SEMA6D: variants seen among roughly 807,000 people sequenced by gnomAD.
SEMA6D encodes the protein semaphorin 6D, also known as semaphorin-6D.
A neutral mutation model predicts 106.6 loss-of-function variants in SEMA6D; 35 were observed. That is an observed-to-expected ratio of 0.33 (90% CI 0.25 to 0.44). The LOEUF (loss-of-function observed/expected upper bound fraction) is 0.44. Ranked by LOEUF, SEMA6D falls within the 20% of genes least tolerant of loss-of-function variation. The probability of loss-of-function intolerance (pLI) is 1.00; values close to 1 mark genes in which losing one functional copy is unlikely to be tolerated. For missense variants in SEMA6D, 1,185 were observed against 1,345.9 expected (o/e 0.88, Z 1.87); for synonymous variants, 499 against 487.7 (o/e 1.02, Z -0.31).
chr15:47,232,529 GT>G (rs2032272857), intron 1 of SEMA6D, among the ~76,000 whole-genome samples: 4 of 2,072 alleles, frequency 1.9e-3, no homozygotes, highest in Non-Finnish European at 7.2e-3. Flanking sequence ...GGGGGAGGGT[GT>G]GTGTGTGTGT....
At chr15:47,269,010 A>G (rs2034444245) in intron 1 of SEMA6D, among the ~76,000 whole-genome samples, 1 of 152,166 alleles carries the variant, frequency 6.6e-6, no homozygotes, top group Admixed American at 6.5e-5. Flanking sequence ...TTTCAGCAAA[A>G]ACAGTTGACA....
chr15:47,548,123 A>G (rs998990236), intron 3 of SEMA6D, among the ~76,000 whole-genome samples: 1 of 152,146 alleles, frequency 6.6e-6, no homozygotes, highest in African/African-American at 2.4e-5. Context: ...AGTTGATGGC[A>G]ACTGATGTGG....
At chr15:47,342,861 C>T (rs146865105) in intron 1 of SEMA6D, among the ~76,000 whole-genome samples, 1,687 of 152,220 alleles carry the variant, frequency 0.011, 13 homozygotes, top group Non-Finnish European at 0.014. Context: ...CAGGCACATG[C>T]CACCACACCC....
At chr15:47,250,440 G>GAAGAAAGA (rs549519554) in intron 1 of SEMA6D, among the ~76,000 whole-genome samples, 4 of 151,670 alleles carry the variant, frequency 2.6e-5, no homozygotes, top group African/African-American at 9.7e-5. Flanking sequence ...AGCAAATCCT[G>GAAGAAAGA]AAGAAAGAAA....
At chr15:47,481,830 A>G (rs1461898309) in intron 3 of SEMA6D, among the ~76,000 whole-genome samples, 1 of 152,180 alleles carries the variant, frequency 6.6e-6, no homozygotes, top group Non-Finnish European at 1.5e-5. Flanking sequence ...CTATATTTGT[A>G]TACAAAATTA....
At chr15:47,667,807 G>T (rs898976761) in intron 4 of SEMA6D, among the ~76,000 whole-genome samples, 1 of 152,118 alleles carries the variant, frequency 6.6e-6, no homozygotes. Context: ...ATATGAATTT[G>T]GGGGGATGTA....
At chr15:47,729,858 G>A (rs1262765893) in intron 1 of SEMA6D, among the ~76,000 whole-genome samples, 1 of 152,218 alleles carries the variant, frequency 6.6e-6, no homozygotes, top group African/African-American at 2.4e-5. Context: ...ATTCGAAAAA[G>A]GAGCTGAGAG....
chr15:47,295,503 A>G (rs2035768675), intron 1 of SEMA6D, among the ~76,000 whole-genome samples: 2 of 152,126 alleles, frequency 1.3e-5, no homozygotes, highest in Non-Finnish European at 2.9e-5. Context: ...AAGAACTGTG[A>G]GTAGATCTTT....
intron 1 of SEMA6D, chr15:47,399,248 T>C (rs902540913): frequency 2.0e-5 from 3 of 152,184 alleles, no homozygotes; most frequent in African/African-American, 7.2e-5. Flanking sequence ...TAGCTGATAA[T>C]TGCAGGCCTC....
chr15:47,577,676 GT>G (rs1320017014), intron 3 of SEMA6D, among the ~76,000 whole-genome samples: 1 of 152,198 alleles, frequency 6.6e-6, no homozygotes, highest in African/African-American at 2.4e-5. Flanking sequence ...GAACTGGACA[GT>G]GATTGAGGAA....
At chr15:47,256,045 A>G (rs1197410077) in intron 1 of SEMA6D, among the ~76,000 whole-genome samples, 2 of 152,146 alleles carry the variant, frequency 1.3e-5, no homozygotes, top group South Asian at 2.1e-4. Flanking sequence ...AGTCTGTTCC[A>G]TTAATCTATG....
intron 3 of SEMA6D, among the ~76,000 whole-genome samples, chr15:47,471,258 A>G (rs1470649699): frequency 6.6e-6 from 1 of 152,128 alleles, no homozygotes; most frequent in Non-Finnish European, 1.5e-5. Context: ...GCACTGTCCT[A>G]GTCATTGTGT....
At chr15:47,724,860 T>C (rs1353721610) in intron 1 of SEMA6D, among the ~76,000 whole-genome samples, 1 of 152,206 alleles carries the variant, frequency 6.6e-6, no homozygotes, top group African/African-American at 2.4e-5. Flanking sequence ...GATTGCTCCG[T>C]GATCAGGACT....
At chr15:47,481,587 C>T (rs1271026587) in intron 3 of SEMA6D, among the ~76,000 whole-genome samples, 1 of 152,162 alleles carries the variant, frequency 6.6e-6, no homozygotes, top group Non-Finnish European at 1.5e-5. Flanking sequence ...TTCCAGACAT[C>T]TGGCCTTGAA....
chr15:47,406,575 T>G (rs1370325047), intron 1 of SEMA6D, among the ~76,000 whole-genome samples: 1 of 152,100 alleles, frequency 6.6e-6, no homozygotes, highest in Non-Finnish European at 1.5e-5. Context: ...TAAGTCAATC[T>G]CATAGTGACA....
Position 47,763,074 on chromosome 15 carries a change from A to G in SEMA6D, c.717A>G (p.Glu239=), listed in dbSNP as rs2082148990. ...YGNYVYFFFR[E]IAVEHNNLGK... is the part of the protein sequence containing the mutation. The stretch of plus-strand genomic sequence containing the variant: ...ACTATGTCTATTTCTTCTTTCGAGA[A>G]ATCGCTGTCGAACATAATAATTTAG... Residue 239 remains glutamate (E), a synonymous_variant, in exon 9 of 19, where the codon GAA becomes GAG. Coordinates refer to ENST00000536845, the MANE Select transcript of SEMA6D (RefSeq NM_001358351.3). The G allele has an allele frequency of 6.2e-7, 1 of 1,612,724 alleles. No individual in the cohort carries two copies. The highest frequency in any genetic ancestry group is 1.7e-5 in the Admixed American group (1 of 59,972).
intron 4 of SEMA6D, among the ~76,000 whole-genome samples, chr15:47,700,213 T>A (rs945774309): frequency 2.0e-5 from 3 of 152,204 alleles, no homozygotes; most frequent in African/African-American, 7.2e-5. Context: ...GCCAAATTGA[T>A]CTATAGTTTC....
chr15:47,365,890 G>GGAGAGAGAGAGAGAGAGA (rs201368884), intron 1 of SEMA6D, among the ~76,000 whole-genome samples: 65 of 119,800 alleles, frequency 5.4e-4, no homozygotes, highest in African/African-American at 1.9e-3. Flanking sequence ...GAGAGAGAGA[G>GGAGAGAGAGAGAGAGAGA]GAGAGAGAGA....
chr15:47,763,062 C>T lies in SEMA6D; in HGVS notation c.705C>T (p.Phe235=), dbSNP rs763035961. The T allele has an allele frequency of 3.1e-6, 5 of 1,612,214 alleles. No homozygotes were observed. The East Asian group carries it at 6.7e-5, about 22-fold the overall frequency. ...HAIEYGNYVY[F]FFREIAVEHN... Reference sequence around the variant, plus strand: ...TAGAATATGGAAACTATGTCTATTTCTTCTTTCGAGAAATCGCTGTCGAAC... The same window carrying T: ...TAGAATATGGAAACTATGTCTATTTTTTCTTTCGAGAAATCGCTGTCGAAC... Residue 235 remains phenylalanine (F), a synonymous_variant, in exon 9 of 19, where the codon TTC becomes TTT. Coordinates refer to ENST00000536845, the MANE Select transcript of SEMA6D (RefSeq NM_001358351.3).
Sources: gnomAD v4.1 joint callset for allele counts (sites outside exome capture counted in the v4.1 genomes callset) on GRCh38, gnomAD v4.1.1 for gene constraint, MANE v1.5 for transcripts, NCBI Gene and HGNC (gene_info 2026-07-23, HGNC 2026-07-21) for gene names.